The following SHROOM3 variants were observed in gnomAD, a reference collection of about 807,000 sequenced individuals.
The protein encoded by SHROOM3 is shroom family member 3.
SHROOM3 carries 47 observed loss-of-function variants against 138.6 expected under a neutral mutation model. The observed-to-expected ratio is 0.34, with a 90% CI of 0.27 to 0.43. The LOEUF is 0.43. Ranked by LOEUF, SHROOM3 falls within the 20% of genes least tolerant of loss-of-function variation. The pLI is 1.00. For synonymous variants in SHROOM3, 1,062 were observed against 1,063.3 expected (o/e 1.00, Z 0.02); for missense variants, 2,491 against 2,596.5 (o/e 0.96, Z 0.88).
chr4:76,702,895 A>G (rs751135786), intron 2 of SHROOM3, among the ~76,000 whole-genome samples: 3 of 152,190 alleles, frequency 2.0e-5, no homozygotes, highest in Non-Finnish European at 4.4e-5. Flanking sequence ...TTTTTCTCCT[A>G]TCCACCCTTT....
rs1197986256 is a variant in SHROOM3 at position 76,739,502 on chromosome 4, C to T, written c.1329C>T (p.Ser443=). 2.5e-6 allele frequency: 4 copies of T among 1,614,050 alleles called. No individual in the cohort carries two copies. The highest frequency in any genetic ancestry group is 1.7e-6 in the Non-Finnish European group (2 of 1,179,956). Residue 443 remains serine (S), a synonymous_variant, in exon 5 of 11, where the codon AGC becomes AGT. Transcript: ENST00000296043. ...TGCTGGAGAAGAGTCCAGAGAACAG[C>T]CCCCCAGTGAAGCCCAAGCATAACT... ...HTVLEKSPEN[S]PPVKPKHNYT...
intron 2 of SHROOM3, among the ~76,000 whole-genome samples, chr4:76,634,300 T>G (rs931368873): frequency 6.6e-6 from 1 of 152,174 alleles, no homozygotes; most frequent in African/African-American, 2.4e-5. Flanking sequence ...GAGGAGACCT[T>G]ATCCTCCAAG....
At chr4:76,608,572 T>G (rs1399598512) in intron 2 of SHROOM3, among the ~76,000 whole-genome samples, 1 of 149,282 alleles carries the variant, frequency 6.7e-6, no homozygotes, top group East Asian at 2.0e-4. Context: ...TAGCATAGCA[T>G]AGCATAGCAT....
At chr4:76,776,868 CTTTG>C (rs1206939926) in intron 10 of SHROOM3, among the ~76,000 whole-genome samples, 1 of 152,056 alleles carries the variant, frequency 6.6e-6, no homozygotes, top group East Asian at 1.9e-4. Context: ...CCTTTCTTCA[CTTTG>C]TTTTTGTTTG....
chr4:76,530,634 C>T (rs1338149902), intron 1 of SHROOM3, among the ~76,000 whole-genome samples: 1 of 152,168 alleles, frequency 6.6e-6, no homozygotes, highest in East Asian at 1.9e-4. Context: ...AATGAACACT[C>T]ATAAGATGAA....
intron 2 of SHROOM3, among the ~76,000 whole-genome samples, chr4:76,646,232 A>ATATATATAT (rs1735817007): frequency 1.4e-5 from 2 of 140,148 alleles, no homozygotes; most frequent in Non-Finnish European, 3.1e-5. Flanking sequence ...ATAAATATAT[A>ATATATATAT]TATATATATA....
intron 2 of SHROOM3, chr4:76,559,260 C>A (rs1460259141): frequency 1.3e-5 from 2 of 152,168 alleles, no homozygotes; most frequent in African/African-American, 2.4e-5. Flanking sequence ...CCTCCAGAGA[C>A]ATGGATGGAC....
chr4:76,518,575 T>TGCCTGCCTGCC (rs1560531527), intron 1 of SHROOM3, among the ~76,000 whole-genome samples: 5 of 117,510 alleles, frequency 4.3e-5, no homozygotes, highest in South Asian at 3.1e-4. Flanking sequence ...TCTTGCCTGC[T>TGCCTGCCTGCC]TGCCTGCCTG....
intron 2 of SHROOM3, among the ~76,000 whole-genome samples, chr4:76,623,821 C>G (rs1047039688): frequency 6.6e-6 from 1 of 152,070 alleles, no homozygotes; most frequent in Non-Finnish European, 1.5e-5. Context: ...AATGAACACG[C>G]CTGGGATTTG....
chr4:76,613,999 C>T (rs755341108), intron 2 of SHROOM3, among the ~76,000 whole-genome samples: 10 of 151,934 alleles, frequency 6.6e-5, no homozygotes, highest in Non-Finnish European at 1.2e-4. Context: ...ATGTTCCAGG[C>T]GGAAAATCTA....
At chr4:76,716,268 C>G (rs980908360) in intron 3 of SHROOM3, 1 of 515,932 alleles carries the variant, frequency 1.9e-6, no homozygotes, top group African/African-American at 1.9e-5. Flanking sequence ...ACTGGAGGCA[C>G]ATGTAGTACT....
At chr4:76,724,009 G>A (rs184346577) in intron 3 of SHROOM3, among the ~76,000 whole-genome samples, 1 of 152,310 alleles carries the variant, frequency 6.6e-6, no homozygotes, top group African/African-American at 2.4e-5. Flanking sequence ...GGTGATTAGT[G>A]AATACTGCTT....
chr4:76,531,346 G>T (rs548732654), intron 1 of SHROOM3, among the ~76,000 whole-genome samples: 1 of 152,254 alleles, frequency 6.6e-6, no homozygotes, highest in South Asian at 2.1e-4. Context: ...AATTGATGGT[G>T]CCCCTCAGTA....
intron 2 of SHROOM3, among the ~76,000 whole-genome samples, chr4:76,634,236 T>C (rs1735426891): frequency 6.6e-6 from 1 of 152,190 alleles, no homozygotes; most frequent in African/African-American, 2.4e-5. Flanking sequence ...TTTAAGTGCC[T>C]CTTACTTCGT....
intron 10 of SHROOM3, among the ~76,000 whole-genome samples, chr4:76,776,672 C>G (rs1343858661): frequency 6.6e-6 from 1 of 152,200 alleles, no homozygotes; most frequent in Non-Finnish European, 1.5e-5. Context: ...CTAGAAGCCA[C>G]TAAGACATGT....
chr4:76,547,762 T>G (rs944474305), intron 1 of SHROOM3, among the ~76,000 whole-genome samples: 9 of 152,116 alleles, frequency 5.9e-5, no homozygotes, highest in Admixed American at 1.3e-4. Flanking sequence ...AAACCTTGTC[T>G]CTACTAAAGA....
At chr4:76,596,438 T>C (rs1273679447) in intron 2 of SHROOM3, among the ~76,000 whole-genome samples, 1 of 152,120 alleles carries the variant, frequency 6.6e-6, no homozygotes, top group Non-Finnish European at 1.5e-5. Context: ...AGATGTTGTG[T>C]ATAACATCTG....
intron 1 of SHROOM3, among the ~76,000 whole-genome samples, chr4:76,454,536 C>A (rs978018951): frequency 6.6e-5 from 10 of 152,244 alleles, no homozygotes; most frequent in Middle Eastern, 6.8e-3. Context: ...TGTCTGTATG[C>A]CGTTATAACA....
chr4:76,492,391 A>T (rs1306953899), intron 1 of SHROOM3, among the ~76,000 whole-genome samples: 1 of 152,208 alleles, frequency 6.6e-6, no homozygotes, highest in Non-Finnish European at 1.5e-5. Context: ...TGATTGCAGA[A>T]TTTCAAAATG....
Sources: gnomAD v4.1 joint callset for allele counts (sites outside exome capture counted in the v4.1 genomes callset) on GRCh38, gnomAD v4.1.1 for gene constraint, MANE v1.5 for transcripts, NCBI Gene and HGNC (gene_info 2026-07-23, HGNC 2026-07-21) for gene names.